The following POLR3A variants were observed in gnomAD, a reference collection of about 807,000 sequenced individuals.
The protein encoded by POLR3A is DNA-directed RNA polymerase III subunit RPC1.
Under a neutral mutation model 152.8 loss-of-function variants are expected in POLR3A, and 112 were observed. The observed-to-expected ratio is 0.73, with a 90% CI of 0.63 to 0.86. The LOEUF (loss-of-function observed/expected upper bound fraction) is 0.86. Among genes scored for constraint, POLR3A ranks in the 40% least tolerant of loss-of-function variants. The pLI is 0.00. For synonymous variants in POLR3A, 615 were observed against 652.1 expected, an observed-to-expected ratio of 0.94 and a Z score of 0.87; for missense variants, 1,385 against 1,743.1, an observed-to-expected ratio of 0.79 and a Z score of 3.66.
Position 78,017,611 on chromosome 10 carries a change from C to T in POLR3A, c.1395G>A (p.Gln465=), listed in dbSNP as rs1847537172. ...TAATGCTCAATTTGTGCAGCGAGGG[C>T]TGCCGATTGAACAGCACCACATCTC... is the stretch of plus-strand genomic sequence containing the variant. ...IDGDVVLFNR[Q]PSLHKLSIMA... The change falls in exon 10 of 31, where the codon CAG becomes CAA. Residue 465 remains glutamine, a synonymous_variant. Coordinates refer to ENST00000372371, the MANE Select transcript of POLR3A (RefSeq NM_007055.4). 1 of 1,614,042 alleles carries T rather than the reference C, an allele frequency of 6.2e-7. No homozygotes were observed. The highest frequency in any genetic ancestry group is 1.3e-5 in the African/African-American group (1 of 74,934).
At chr10:78,024,740 T>C (rs1847615385) in intron 4 of POLR3A, 37 bp from the exon 5 acceptor site, 4 of 1,576,600 alleles carry the variant, frequency 2.5e-6, no homozygotes, top group Non-Finnish European at 2.6e-6. Context: ...AAATAAAAAA[T>C]TATGTTCTCA....
At position 78,019,394 on chromosome 10, in the gene POLR3A, C is replaced by G. The variant is rs1847556134; in HGVS notation, c.1186-129G>C. On this transcript the variant is annotated intron_variant, in intron 8 of 30. Coordinates refer to ENST00000372371, the MANE Select transcript of POLR3A (RefSeq NM_007055.4). ...GAGAAAGAGAGGCATCCTGGGCAGC[C>G]TGCTGCCTATGGTCTTGAGTATAAT... The G allele has an allele frequency of 1.5e-5, 11 of 712,612 alleles. No individual in the cohort carries two copies. The East Asian group carries it at 2.9e-4, about 19-fold the overall frequency. The allele number at this position is 712,612 out of a possible 1,614,324, so 44.1% of individuals were successfully genotyped here.
chr10:77,977,505 A>T lies in POLR3A; in HGVS notation c.4146T>A (p.Asn1382Lys), dbSNP rs992381641. 6.2e-7 allele frequency: 1 copy of T among 1,614,008 alleles called. No homozygotes were observed. The highest frequency in any genetic ancestry group is 1.1e-5 in the South Asian group (1 of 91,074). The stretch of plus-strand genomic sequence containing the variant: ...ATGTGACAAGGGGGATGTGGAATTC[A>T]TTTGTGTCGAAGATCAGGGGCCTCT... ...PPKRPLIFDT[N>K]EFHIPLVT The change falls in exon 31 of 31, where the codon AAT becomes AAA. Residue 1382 changes from asparagine to lysine, a missense_variant. Physicochemically the swap from Asn to Lys is moderately conservative, Grantham distance 94 (BLOSUM62 0). This residue lies in a region of POLR3A where 332 missense variants were observed against 400.1 expected (regional missense o/e 0.83). Transcript: ENST00000372371.
intron 2 of POLR3A, 108 bp downstream of exon 2, chr10:78,025,986 G>T (rs985764501): frequency 1.8e-5 from 25 of 1,386,100 alleles, no homozygotes; most frequent in Non-Finnish European, 2.5e-5. Flanking sequence ...TATGTGCAGG[G>T]GGGAATTGAG....
intron 14 of POLR3A, among the ~76,000 whole-genome samples, chr10:78,008,894 T>C (rs1489680504): frequency 6.7e-6 from 1 of 149,606 alleles, no homozygotes; most frequent in Admixed American, 6.7e-5. Context: ...CAGTGGCTCA[T>C]GCCTATAATC....
rs1472816663 is a variant in POLR3A at position 77,984,260 on chromosome 10, T to C, written c.3281A>G (p.Asp1094Gly). The change falls in exon 25 of 31, where the codon GAC becomes GGC. Residue 1094 changes from aspartate to glycine, a missense_variant. Transcript: ENST00000372371. The part of the protein sequence containing the change: ...IITAQLDKDD[D>G]ADYARLVKGR... Reference sequence around the variant, plus strand: ...TTTCACGAGGCGAGCATAATCCGCGTCGTCATCCTTGTCTAGCTGTGCTGT... The same window carrying C: ...TTTCACGAGGCGAGCATAATCCGCGCCGTCATCCTTGTCTAGCTGTGCTGT... 2 of 1,613,416 alleles carry C rather than the reference T, an allele frequency of 1.2e-6. No individual in the cohort carries two copies. The highest frequency in any genetic ancestry group is 2.7e-5 in the African/African-American group (2 of 74,926).
rs1847614599 is a variant in POLR3A at position 78,024,658 on chromosome 10, T to C, written c.536A>G (p.Tyr179Cys). 6 of 1,613,968 alleles carry C rather than the reference T, an allele frequency of 3.7e-6. No individual in the cohort carries two copies. Among genetic ancestry groups the C allele is most frequent in the Non-Finnish European group, 5.1e-6 (6 of 1,179,774 alleles). The change falls in exon 5 of 31, where the codon TAC becomes TGC. Residue 179 changes from tyrosine (Y) to cysteine (C), a missense_variant. Transcript: ENST00000372371. ...CGLLKIIHEK[Y>C]KTNKKVVDPI... ...ATCCACCACTTTTTTGTTGGTCTTG[T>C]ATTTCTCATGAATTATTTTCAGCAG...
intron 29 of POLR3A, among the ~76,000 whole-genome samples, chr10:77,981,190 C>T (rs1847137707): frequency 6.6e-6 from 1 of 152,182 alleles, no homozygotes; most frequent in African/African-American, 2.4e-5. Context: ...CAGCTCTCTT[C>T]ACTCCACCGA....
intron 26 of POLR3A, among the ~76,000 whole-genome samples, chr10:77,983,535 C>T (rs536408338): frequency 1.7e-4 from 26 of 152,184 alleles, no homozygotes; most frequent in Non-Finnish European, 2.5e-4. Context: ...CATCTAAACA[C>T]ATTTACTGAA....
intron 5 of POLR3A, among the ~76,000 whole-genome samples, chr10:78,024,231 G>A (rs1333401126): frequency 6.6e-6 from 1 of 151,876 alleles, no homozygotes; most frequent in African/African-American, 2.4e-5. Flanking sequence ...GGGCATGGTG[G>A]CACATGCCTG....
rs1480145356 is a variant in POLR3A at position 77,984,187 on chromosome 10, A to G, written c.3336+18T>C. 1.3e-6 allele frequency: 2 copies of G among 1,520,796 alleles called. No homozygotes were observed. The highest frequency in any genetic ancestry group is 1.8e-6 in the Non-Finnish European group (2 of 1,095,170). The allele number at this position is 1,520,796 out of a possible 1,614,324, so 94.2% of individuals were successfully genotyped here. ...TGCTGAGCTAGTTTTCTTGTTATCA[A>G]TAGGGATTTCTTCTTACCTCTCCCA... On this transcript the variant is annotated intron_variant, in intron 25 of 30. Transcript: ENST00000372371.
At chr10:78,013,945 T>A (rs1205086130) in intron 10 of POLR3A, among the ~76,000 whole-genome samples, 155 bp from the exon 11 acceptor site, 2 of 152,168 alleles carry the variant, frequency 1.3e-5, no homozygotes, top group Non-Finnish European at 2.9e-5. Flanking sequence ...ATATATATCA[T>A]TTAGGACTCA....
intron 21 of POLR3A, among the ~76,000 whole-genome samples, chr10:77,987,355 C>A (rs560905867): frequency 1.3e-5 from 2 of 152,242 alleles, no homozygotes; most frequent in African/African-American, 4.8e-5. Context: ...TGGCGGTAAG[C>A]TTGAATGGCA....
At chr10:78,028,382 A>G (rs1847657818) in intron 1 of POLR3A, among the ~76,000 whole-genome samples, 1 of 152,120 alleles carries the variant, frequency 6.6e-6, no homozygotes, top group Non-Finnish European at 1.5e-5. Flanking sequence ...CACTTGTCGT[A>G]CCCAGTGTTG....
chr10:77,985,852 T>C (rs1347990179), intron 23 of POLR3A, 51 bp downstream of exon 23: 1 of 1,309,862 alleles, frequency 7.6e-7, no homozygotes, highest in East Asian at 2.3e-5. Context: ...ACAGAAGGGA[T>C]ACGTGAGACC....
At position 77,984,029 on chromosome 10, in the gene POLR3A, T is replaced by A; in HGVS notation, c.3337-17A>T. 1.9e-6 allele frequency: 3 copies of A among 1,557,180 alleles called. No homozygotes were observed. The highest frequency in any genetic ancestry group is 2.7e-6 in the Non-Finnish European group (3 of 1,128,982). ...CTCGGAAATCTGGAGTGTCAAAAGA[T>A]CAGACTGTTAATCAGCCGCTTTCCC... On this transcript the variant is annotated splice_polypyrimidine_tract_variant and intron_variant, in intron 25 of 30. Transcript: ENST00000372371.
At chr10:78,016,434 G>C (rs1475697239) in intron 10 of POLR3A, among the ~76,000 whole-genome samples, 4 of 149,438 alleles carry the variant, frequency 2.7e-5, no homozygotes, top group Admixed American at 2.0e-4. Flanking sequence ...AAAAAAAAGG[G>C]TGGGCACAGT....
At chr10:78,017,508 T>G in intron 10 of POLR3A, 67 bp downstream of exon 10, 1 of 1,475,582 alleles carries the variant, frequency 6.8e-7, no homozygotes, top group Non-Finnish European at 9.4e-7. Context: ...AGAAGTCCAC[T>G]GTTTAGCACT....
chr10:77,988,559 T>TA (rs779912326), intron 21 of POLR3A, among the ~76,000 whole-genome samples: 2 of 152,194 alleles, frequency 1.3e-5, no homozygotes, highest in Non-Finnish European at 2.9e-5. Flanking sequence ...AAACTCTTTT[T>TA]AAAGAGAAAC....
Sources: gnomAD v4.1 joint callset for allele counts (sites outside exome capture counted in the v4.1 genomes callset) on GRCh38, gnomAD v4.1.1 for gene constraint, gnomAD v4.1.1 regional missense constraint, MANE v1.5 for transcripts, NCBI Gene and HGNC (gene_info 2026-07-23, HGNC 2026-07-21) for gene names.